Variants in KAT7 observed in about 807,000 individuals in gnomAD.
The protein encoded by KAT7 is lysine acetyltransferase 7, also known as histone acetyltransferase KAT7.
Under a neutral mutation model 82.1 loss-of-function variants are expected in KAT7, and 10 were observed. That is an observed-to-expected ratio of 0.12 (90% CI 0.08 to 0.21). KAT7 has a LOEUF of 0.21. KAT7 is among the 10% of genes least tolerant of loss of function. The pLI is 1.00. For missense variants in KAT7, 378 were observed against 760.9 expected (o/e 0.50, Z 5.92); for synonymous variants, 250 against 262.5 (o/e 0.95, Z 0.46).
In KAT7 at chr17:49,805,378, A is replaced by G. The variant is rs2074078638; in HGVS notation, c.596A>G (p.Lys199Arg). The G allele has an allele frequency of 2.5e-6, 4 of 1,611,760 alleles. No homozygotes were observed. The highest frequency in any genetic ancestry group is 3.4e-6 in the Non-Finnish European group (4 of 1,177,934). The change falls in exon 5 of 15, where the codon AAA becomes AGA. Residue 199 changes from lysine (K) to arginine (R), a missense_variant. By Grantham distance (26) the Lys-to-Arg change is conservative (BLOSUM62 2). This residue lies in a region of KAT7 where 14 missense variants were observed against 58.2 expected (regional missense o/e 0.24). Coordinates refer to ENST00000259021, the MANE Select transcript of KAT7 (RefSeq NM_007067.5). Reference sequence around the variant, plus strand: ...CCTTTAACAGGACACCTTACAGGAAAACATGAGAGACATTTCTCCATCTCA... The same window carrying G: ...CCTTTAACAGGACACCTTACAGGAAGACATGAGAGACATTTCTCCATCTCA... ...GCNSLGHLTG[K>R]HERHFSISGC...
At chr17:49,804,151 G>A (rs1025416429) in intron 4 of KAT7, among the ~76,000 whole-genome samples, 11 of 151,810 alleles carry the variant, frequency 7.2e-5, no homozygotes, top group African/African-American at 2.7e-4. Flanking sequence ...AGGCTGAGGC[G>A]GGCAGATCAC....
chr17:49,810,263 T>A lies in KAT7; in HGVS notation c.753+1055T>A, dbSNP rs191480207. 7.2e-5 allele frequency among the ~76,000 whole-genome samples: 11 copies of A among 152,288 alleles called. No homozygotes were observed. The East Asian group carries it at 7.7e-4, about 11-fold the overall frequency. ...ATCTTAGGTTTAATTTAATTTAATT[T>A]ATTTATTTTTTAGACAGAGTTTCAC... is the stretch of plus-strand genomic sequence containing the variant. On this transcript the variant is annotated intron_variant, in intron 6 of 14. Coordinates refer to ENST00000259021, the MANE Select transcript of KAT7 (RefSeq NM_007067.5).
intron 6 of KAT7, among the ~76,000 whole-genome samples, chr17:49,810,720 A>T (rs1156231463): frequency 1.3e-5 from 2 of 152,182 alleles, no homozygotes; most frequent in East Asian, 3.8e-4. Flanking sequence ...TTTGGTGGAG[A>T]CGTCTATCCT....
chr17:49,809,338 C>T (rs772854056), intron 6 of KAT7, 130 bp downstream of exon 6: 122 of 659,908 alleles, frequency 1.8e-4, no homozygotes, highest in Non-Finnish European at 2.4e-4. Flanking sequence ...AACTTAGAAT[C>T]ATGTTTGTTT....
chr17:49,798,401 C>T lies in KAT7; in HGVS notation c.423C>T (p.Asp141=), dbSNP rs762826282. ...GNAPSSESDI[D]ISSPNVSHDE... The stretch of plus-strand genomic sequence containing the variant: ...CGCCTTCTTCTGAGTCTGACATAGA[C>T]ATCTCCAGCCCCAATGTATCTCACG... The change falls in exon 4 of 15, where the codon GAC becomes GAT. Residue 141 remains aspartate (D), a synonymous_variant. Transcript: ENST00000259021. 14 of 1,614,116 alleles carry T rather than the reference C, an allele frequency of 8.7e-6. No individual in the cohort carries two copies. The highest frequency in any genetic ancestry group is 1.1e-5 in the Non-Finnish European group (13 of 1,180,030).
In KAT7 at chr17:49,834,032, C is replaced by T. The variant is rs1472796178; in HGVS notation, c.*6530C>T. 1.3e-5 allele frequency: 2 copies of T among 152,206 alleles called. No individual in the cohort carries two copies. The highest frequency in any genetic ancestry group is 2.9e-5 in the Non-Finnish European group (2 of 68,048). The allele number at this position is 152,206 out of a possible 1,614,324, so 9.4% of individuals were successfully genotyped here. The stretch of plus-strand genomic sequence containing the variant: ...CACCTCATTTGGTTATTTATCGTGT[C>T]TTCGCTGTCAGTCAAATTGCTTCTG... On this transcript the variant is annotated 3_prime_UTR_variant, in exon 15 of 15. Transcript: ENST00000259021.
rs2073894619 is a variant in KAT7 at position 49,791,933 on chromosome 17, T to C, written c.63T>C (p.Ser21=). The part of the protein sequence containing the change: ...SSDGTEDSDF[S]TDLEHTDSSE... ...ATGGAACCGAAGATTCCGATTTTTCTACAGATCTCGAGCACACAGACAGTT... is the reference window on the plus strand; with the variant it reads ...ATGGAACCGAAGATTCCGATTTTTCCACAGATCTCGAGCACACAGACAGTT... Residue 21 remains serine (S), a synonymous_variant, in exon 2 of 15, where the codon TCT becomes TCC. Coordinates refer to ENST00000259021, the MANE Select transcript of KAT7 (RefSeq NM_007067.5). The C allele has an allele frequency of 6.2e-7, 1 of 1,614,086 alleles. No individual in the cohort carries two copies. Among genetic ancestry groups the C allele is most frequent in the Admixed American group, 1.7e-5 (1 of 60,010 alleles).
intron 6 of KAT7, among the ~76,000 whole-genome samples, chr17:49,811,034 A>G (rs2074157067): frequency 6.6e-6 from 1 of 151,998 alleles, no homozygotes; most frequent in Non-Finnish European, 1.5e-5. Context: ...AAATTGCCAT[A>G]TGATTTGCAT....
rs532436291 is a variant in KAT7, at chr17:49,794,893, A to T, written c.164-1857A>T. Among the ~76,000 whole-genome samples the T allele has an allele frequency of 4.6e-5, 7 of 152,366 alleles. No individual in the cohort carries two copies. The South Asian group carries it at 1.4e-3, about 32-fold the overall frequency. On this transcript the variant is annotated intron_variant, in intron 2 of 14. Coordinates refer to ENST00000259021, the MANE Select transcript of KAT7 (RefSeq NM_007067.5). ...AGCACAAGGTAGATCATATTGTGAA[A>T]GGAGGCCCCTTGGAGATGTACAAAT... is the stretch of plus-strand genomic sequence containing the variant.
Position 49,817,823 on chromosome 17 carries a change from A to G in KAT7, c.967A>G (p.Lys323Glu). 2 of 1,611,366 alleles carry G rather than the reference A, an allele frequency of 1.2e-6. No homozygotes were observed. Among genetic ancestry groups the G allele is most frequent in the Non-Finnish European group, 8.5e-7 (1 of 1,179,258 alleles). Reference sequence around the variant, plus strand: ...ACTTTTGATTTCTTGGCAATAGGAGAAGTTAAGGCTGCAAGGCCAAATCAC... The same window carrying G: ...ACTTTTGATTTCTTGGCAATAGGAGGAGTTAAGGCTGCAAGGCCAAATCAC... ...AQARASEDLE[K>E]LRLQGQITEG... The change falls in exon 9 of 15, where the codon AAG (lysine) becomes GAG (glutamate). Residue 323 changes from lysine (K) to glutamate (E), a missense_variant. Transcript: ENST00000259021.
intron 9 of KAT7, among the ~76,000 whole-genome samples, chr17:49,820,601 C>G (rs2074290698): frequency 6.6e-6 from 1 of 152,102 alleles, no homozygotes; most frequent in South Asian, 2.1e-4. Context: ...AAATGTAAAC[C>G]TTTTGAAGAA....
At chr17:49,822,841 A>G (rs904454481) in intron 11 of KAT7, among the ~76,000 whole-genome samples, 1 of 152,058 alleles carries the variant, frequency 6.6e-6, no homozygotes, top group African/African-American at 2.4e-5. Context: ...GGGGACTTAC[A>G]GTGGTGTTTC....
chr17:49,797,204 C>T (rs548565167), intron 3 of KAT7, among the ~76,000 whole-genome samples: 17 of 152,194 alleles, frequency 1.1e-4, no homozygotes, highest in African/African-American at 4.1e-4. Context: ...GCTGGGACTA[C>T]AGGCGCCTGC....
rs2074419610 is a variant in KAT7 at position 49,830,816 on chromosome 17, T to C, written c.*3314T>C. ...GTTTTCTTCCACTATTTTTGATTCCTTAATGATGAATCATCCTCTCCCTTC... is the reference window on the plus strand; with the variant it reads ...GTTTTCTTCCACTATTTTTGATTCCCTAATGATGAATCATCCTCTCCCTTC... On this transcript the variant is annotated 3_prime_UTR_variant, in exon 15 of 15. Coordinates refer to ENST00000259021, the MANE Select transcript of KAT7 (RefSeq NM_007067.5). The C allele has an allele frequency of 6.6e-6, 1 of 152,236 alleles. No individual in the cohort carries two copies. Among genetic ancestry groups the C allele is most frequent in the Admixed American group, 6.5e-5 (1 of 15,292 alleles). 9.4% of individuals were successfully genotyped at this position (152,236 alleles called of 1,614,324 possible).
At chr17:49,792,625 C>T (rs551232792) in intron 2 of KAT7, among the ~76,000 whole-genome samples, 16 of 152,220 alleles carry the variant, frequency 1.1e-4, no homozygotes, top group South Asian at 2.1e-4. Context: ...GCCATTTGAT[C>T]ATGAGGGTAA....
At chr17:49,791,614 C>T (rs939522673) in intron 1 of KAT7, among the ~76,000 whole-genome samples, 5 of 152,206 alleles carry the variant, frequency 3.3e-5, no homozygotes, top group Admixed American at 1.3e-4. Flanking sequence ...GCCACGATTG[C>T]GCCCTTGCAC....
intron 7 of KAT7, among the ~76,000 whole-genome samples, chr17:49,813,151 GA>G (rs1309477028): frequency 2.6e-5 from 4 of 151,992 alleles, no homozygotes; most frequent in Non-Finnish European, 4.4e-5. Flanking sequence ...TGAACATAGT[GA>G]TAGGTAGTTT....
intron 9 of KAT7, among the ~76,000 whole-genome samples, chr17:49,819,691 G>A (rs2074278048): frequency 6.6e-6 from 1 of 152,164 alleles, no homozygotes; most frequent in South Asian, 2.1e-4. Context: ...TTCCATGCCT[G>A]TTCTTATTCC....
intron 4 of KAT7, 26 bp from the exon 5 acceptor site, chr17:49,805,337 A>G: frequency 6.7e-7 from 1 of 1,489,482 alleles, no homozygotes; most frequent in Non-Finnish European, 9.4e-7. Context: ...TTCTTTCTTG[A>G]GATTAAGTTT....
Sources: allele counts gnomAD v4.1 joint callset (sites outside exome capture counted in the v4.1 genomes callset), GRCh38; gene constraint gnomAD v4.1.1; regional missense constraint gnomAD v4.1.1; transcripts MANE v1.5; gene names NCBI Gene and HGNC (gene_info 2026-07-23, HGNC 2026-07-21).